CDH1: variants seen among roughly 807,000 people sequenced by gnomAD.
CDH1 encodes the protein cadherin 1.
A neutral mutation model predicts 84.5 loss-of-function variants in CDH1; 35 were observed. The ratio of observed to expected loss-of-function variants is 0.41; its 90% CI spans 0.32 to 0.55. The LOEUF is 0.55. Ranked by LOEUF, CDH1 falls within the 20% of genes least tolerant of loss-of-function variation. CDH1 has a pLI of 0.19. For missense variants in CDH1, 994 were observed against 1,126.6 expected (o/e 0.88, Z 1.68); for synonymous variants, 417 against 439.0 (o/e 0.95, Z 0.63).
At position 68,831,831 on chromosome 16, in the gene CDH1, T is replaced by C. The variant is rs529919908; in HGVS notation, c.2440-1459T>C. On this transcript the variant is annotated intron_variant, in intron 15 of 15. Transcript: ENST00000261769. ...TGGGATTATGGGTGTGAGCCACCGC[T>C]CCTGACTACAGACCCCTTTTAGATA... Among the ~76,000 whole-genome samples the C allele has an allele frequency of 9.5e-4, 144 of 152,138 alleles. 1 individual carries two copies. Among genetic ancestry groups the C allele is most frequent in the Non-Finnish European group, 4.3e-4 (29 of 67,986 alleles).
rs1206030265 is a variant in CDH1, at chr16:68,826,842, T to A, written c.2165-1332T>A. ...CCCTGTGCAGCCAATTCAGTGTTCTTGTTGATGAATCATGGACAAGGGAGT... is the reference window on the plus strand; with the variant it reads ...CCCTGTGCAGCCAATTCAGTGTTCTAGTTGATGAATCATGGACAAGGGAGT... On this transcript the variant is annotated intron_variant, in intron 13 of 15. Transcript: ENST00000261769. Among the ~76,000 whole-genome samples, 3 of 152,222 alleles carry A rather than the reference T, an allele frequency of 2.0e-5. No homozygotes were observed. The East Asian group carries it at 5.8e-4, about 29-fold the overall frequency.
In CDH1 at chr16:68,801,767, G is replaced by C. The variant is rs878854689; in HGVS notation, c.261G>C (p.Arg87Ser). 4 of 1,613,970 alleles carry C rather than the reference G, an allele frequency of 2.5e-6. No individual in the cohort carries two copies. The highest frequency in any genetic ancestry group is 2.7e-5 in the African/African-American group (2 of 74,918). Residue 87 changes from arginine to serine, a missense_variant, in exon 3 of 16, where the codon AGG becomes AGC. This residue lies in a region of CDH1 where 203 missense variants were observed against 194.0 expected (regional missense o/e 1.05). Transcript: ENST00000261769. ...CAGATGGTGTGATTACAGTCAAAAGGCCTCTACGGTTTCATAACCCACAGA... is the reference window on the plus strand; with the variant it reads ...CAGATGGTGTGATTACAGTCAAAAGCCCTCTACGGTTTCATAACCCACAGA... ...VGTDGVITVKRPLRFHNPQIH... is the reference protein window; with the variant it reads ...VGTDGVITVKSPLRFHNPQIH...
intron 2 of CDH1, among the ~76,000 whole-genome samples, chr16:68,795,734 G>C (rs1197531075): frequency 6.6e-6 from 1 of 151,584 alleles, no homozygotes; most frequent in African/African-American, 2.4e-5. Flanking sequence ...GACCTCAGGT[G>C]ATCCACCTGG....
intron 2 of CDH1, among the ~76,000 whole-genome samples, chr16:68,757,746 T>C (rs1963049660): frequency 6.6e-6 from 1 of 150,400 alleles, no homozygotes. Flanking sequence ...TCTTTCTCTC[T>C]CTCTTTTTCT....
chr16:68,779,718 A>T (rs1959823919), intron 2 of CDH1, among the ~76,000 whole-genome samples: 1 of 152,164 alleles, frequency 6.6e-6, no homozygotes. Context: ...TTAATTGGGC[A>T]TGGTGGCACA....
intron 6 of CDH1, 37 bp downstream of exon 6, chr16:68,810,378 A>T (rs200131291): frequency 1.9e-6 from 3 of 1,601,410 alleles, no homozygotes; most frequent in Non-Finnish European, 2.6e-6. Context: ...ACTCAGAAAG[A>T]CTCTTAGGTT....
In CDH1 at chr16:68,810,233, G is replaced by A. The variant is rs111662525; in HGVS notation, c.724G>A (p.Val242Ile). The A allele has an allele frequency of 2.5e-6, 4 of 1,614,058 alleles. No homozygotes were observed. In the East Asian group the frequency reaches 6.7e-5, roughly 27 times the overall value. Residue 242 changes from valine (V) to isoleucine (I), a missense_variant, in exon 6 of 16, where the codon GTT becomes ATT. By Grantham distance (29) the Val-to-Ile change is conservative (BLOSUM62 3). Around this residue, in one of 3 missense-constraint regions of CDH1, gnomAD observed 769 missense variants for 881.8 expected, o/e 0.87. Transcript: ENST00000261769. Reference sequence around the variant, plus strand: ...CGCTGTGTCATCCAACGGGAATGCAGTTGAGGATCCAATGGAGATTTTGAT... The same window carrying A: ...CGCTGTGTCATCCAACGGGAATGCAATTGAGGATCCAATGGAGATTTTGAT... ...SHAVSSNGNA[V>I]EDPMEILITV...
In CDH1 at chr16:68,755,866, C is replaced by A. The variant is rs1474511453; in HGVS notation, c.163+17455C>A. 7.3e-5 allele frequency among the ~76,000 whole-genome samples: 11 copies of A among 151,210 alleles called. No individual in the cohort carries two copies. In the Admixed American group the frequency reaches 7.3e-4, roughly 10 times the overall value. On this transcript the variant is annotated intron_variant, in intron 2 of 15. Transcript: ENST00000261769. ...GCAACCTCTGCCTCCCGGGTTCAAG[C>A]GATTCTCCCACCTCAGCCTCCGGTG...
intron 1 of CDH1, among the ~76,000 whole-genome samples, chr16:68,737,681 C>A (rs989553187): frequency 6.6e-6 from 1 of 152,172 alleles, no homozygotes; most frequent in African/African-American, 2.4e-5. Context: ...TTCCTGCCCC[C>A]TCCAGCGCAG....
Position 68,812,139 on chromosome 16 carries a change from T to C in CDH1, c.1013T>C (p.Phe338Ser), listed in dbSNP as rs1060501219. The change falls in exon 8 of 16, where the codon TTC (phenylalanine) becomes TCC (serine). Residue 338 changes from phenylalanine (F) to serine (S), a missense_variant. Transcript: ENST00000261769. The stretch of plus-strand genomic sequence containing the variant: ...GTTGTGTCGATCTCTCTGCAGAGTT[T>C]CCCTACGTATACCCTGGTGGTTCAA... ...VVTTGLDRES[F>S]PTYTLVVQAA... 6.2e-7 allele frequency: 1 copy of C among 1,614,038 alleles called. No homozygotes were observed. Among genetic ancestry groups the C allele is most frequent in the African/African-American group, 1.3e-5 (1 of 74,916 alleles).
At chr16:68,796,314 T>A (rs1321103886) in intron 2 of CDH1, among the ~76,000 whole-genome samples, 1 of 152,184 alleles carries the variant, frequency 6.6e-6, no homozygotes, top group Admixed American at 6.5e-5. Flanking sequence ...TCTAAGATAC[T>A]AGGTTATCCC....
rs76462164 is a variant in CDH1 at position 68,740,736 on chromosome 16, G to A, written c.163+2325G>A. Among the ~76,000 whole-genome samples the A allele has an allele frequency of 1.1e-3, 162 of 152,174 alleles. 1 individual carries two copies. In the East Asian group the frequency reaches 0.025, roughly 24 times the overall value. On this transcript the variant is annotated intron_variant, in intron 2 of 15. Coordinates refer to ENST00000261769, the MANE Select transcript of CDH1 (RefSeq NM_004360.5). ...ATATGTTAATAATTAATAGTGACAC[G>A]TATTCACTTTTGCCTCAGACTCTGG...
chr16:68,752,567 T>TTTCC (rs10673764), intron 2 of CDH1, among the ~76,000 whole-genome samples: 1 of 151,732 alleles, frequency 6.6e-6, no homozygotes, highest in Non-Finnish European at 1.5e-5. Flanking sequence ...CAGATCTCTC[T>TTTCC]AGAGGATATT....
intron 2 of CDH1, among the ~76,000 whole-genome samples, chr16:68,762,647 G>C (rs34794904): frequency 6.6e-6 from 1 of 152,078 alleles, no homozygotes; most frequent in African/African-American, 2.4e-5. Flanking sequence ...GGTGGATCAC[G>C]CCTGTATTCT....
chr16:68,834,833 CAG>C lies in CDH1; in HGVS notation c.*1337_*1338del, dbSNP rs776894808. ...GTGCCTAAAGTGCTGCAGCCAAAGA[CAG>C]AGCGGAACTATGAAAAGTGGGCTTG... On this transcript the variant is annotated 3_prime_UTR_variant, in exon 16 of 16. Coordinates refer to ENST00000261769, the MANE Select transcript of CDH1 (RefSeq NM_004360.5). 5.2e-5 allele frequency: 12 copies of C among 232,454 alleles called. No individual in the cohort carries two copies. The highest frequency in any genetic ancestry group is 1.0e-4 in the Non-Finnish European group (12 of 117,304). 14.4% of individuals were successfully genotyped at this position (232,454 alleles called of 1,614,324 possible). A position where few individuals can be genotyped will look rare whatever the true frequency, so the allele number is the denominator to read the frequency against.
chr16:68,749,803 G>A (rs1312634331), intron 2 of CDH1, among the ~76,000 whole-genome samples: 1 of 152,154 alleles, frequency 6.6e-6, no homozygotes, highest in Non-Finnish European at 1.5e-5. Flanking sequence ...CTACACTGTT[G>A]CCAAACTCAG....
chr16:68,834,960 A>C lies in CDH1; in HGVS notation c.*1461A>C, dbSNP rs1961597926. The C allele has an allele frequency of 4.3e-6, 1 of 232,160 alleles. No individual in the cohort carries two copies. Among genetic ancestry groups the C allele is most frequent in the Non-Finnish European group, 8.5e-6 (1 of 117,184 alleles). The allele number at this position is 232,160 out of a possible 1,614,324, so 14.4% of individuals were successfully genotyped here. A position where few individuals can be genotyped will look rare whatever the true frequency, so the allele number is the denominator to read the frequency against. ...CCTCATCTCTGAAAATTCTGGAAGG[A>C]ATGGAGGAGTCTCAACATGTGTTTC... On this transcript the variant is annotated 3_prime_UTR_variant, in exon 16 of 16. Coordinates refer to ENST00000261769, the MANE Select transcript of CDH1 (RefSeq NM_004360.5).
At chr16:68,778,398 A>T (rs9939049) in intron 2 of CDH1, among the ~76,000 whole-genome samples, 44,667 of 152,044 alleles carry the variant, frequency 0.29, 6,651 homozygotes, top group Middle Eastern at 0.34. Context: ...ATATCTCAAT[A>T]TTTTTTGAAA....
At chr16:68,743,387 G>A (rs1962637466) in intron 2 of CDH1, among the ~76,000 whole-genome samples, 2 of 136,934 alleles carry the variant, frequency 1.5e-5, no homozygotes, top group Non-Finnish European at 3.1e-5. Context: ...CTTTTGAGAC[G>A]GAGTGTCACT....
Sources: allele counts gnomAD v4.1 joint callset (sites outside exome capture counted in the v4.1 genomes callset), GRCh38; gene constraint gnomAD v4.1.1; regional missense constraint gnomAD v4.1.1; transcripts MANE v1.5; gene names NCBI Gene and HGNC (gene_info 2026-07-23, HGNC 2026-07-21).